MDGA2: variants seen among roughly 807,000 people sequenced by gnomAD.
MDGA2 encodes MAM domain-containing glycosylphosphatidylinositol anchor protein 2.
A neutral mutation model predicts 117.8 loss-of-function variants in MDGA2; 40 were observed. The observed-to-expected ratio is 0.34, with a 90% CI of 0.26 to 0.44. The LOEUF is 0.44. Among genes scored for constraint, MDGA2 ranks in the 20% least tolerant of loss-of-function variants. MDGA2 has a pLI of 1.00. For missense variants in MDGA2, 1,123 were observed against 1,250.6 expected (o/e 0.90, Z 1.54); for synonymous variants, 452 against 439.0 (o/e 1.03, Z -0.37).
chr14:47,193,383 A>C (rs1045031855), intron 3 of MDGA2, among the ~76,000 whole-genome samples: 1 of 152,196 alleles, frequency 6.6e-6, no homozygotes, highest in Non-Finnish European at 1.5e-5. Context: ...TCTCATAGAT[A>C]GAGTAGATTA....
intron 9 of MDGA2, among the ~76,000 whole-genome samples, chr14:46,937,064 T>A (rs2138568518): frequency 6.6e-6 from 1 of 151,962 alleles, no homozygotes; most frequent in East Asian, 1.9e-4. Flanking sequence ...CCAAAAAAAC[T>A]CTTAGAACTG....
At position 47,497,261 on chromosome 14, in the gene MDGA2, A is replaced by G. The variant is rs1170826508; in HGVS notation, c.280+177256T>C. 3.3e-5 allele frequency among the ~76,000 whole-genome samples: 5 copies of G among 152,220 alleles called. No individual in the cohort carries two copies. In the South Asian group the frequency reaches 6.2e-4, roughly 19 times the overall value. ...ACTACTGTTAAGATTTTCAATGTTG[A>G]GTCTTTTTCATTTTTGAGACAGATT... is the stretch of plus-strand genomic sequence containing the variant. On this transcript the variant is annotated intron_variant, in intron 1 of 16. Transcript: ENST00000399232.
At chr14:46,964,941 T>TTTTTTTTTTTTA (rs1292627964) in intron 8 of MDGA2, among the ~76,000 whole-genome samples, 1 of 112,058 alleles carries the variant, frequency 8.9e-6, no homozygotes, top group African/African-American at 5.4e-5. Context: ...TTTTTTTTTT[T>TTTTTTTTTTTTA]GAGACAGAGT....
chr14:47,623,994 T>C (rs1474020462), intron 1 of MDGA2, among the ~76,000 whole-genome samples: 4 of 152,224 alleles, frequency 2.6e-5, no homozygotes, highest in African/African-American at 9.6e-5. Flanking sequence ...CTACATTGTA[T>C]GCTCAGGAGG....
intron 10 of MDGA2, among the ~76,000 whole-genome samples, chr14:46,890,484 T>C (rs1222374252): frequency 2.0e-5 from 3 of 152,178 alleles, no homozygotes; most frequent in East Asian, 3.8e-4. Flanking sequence ...ATAGTATTTC[T>C]TATTTATATT....
intron 10 of MDGA2, among the ~76,000 whole-genome samples, chr14:46,907,158 G>A (rs1440153373): frequency 6.6e-6 from 1 of 151,716 alleles, no homozygotes; most frequent in Non-Finnish European, 1.5e-5. Flanking sequence ...TGTATTTTTA[G>A]TAGAGACTGG....
At chr14:47,348,292 A>G (rs1449643961) in intron 1 of MDGA2, among the ~76,000 whole-genome samples, 1 of 150,984 alleles carries the variant, frequency 6.6e-6, no homozygotes, top group Non-Finnish European at 1.5e-5. Flanking sequence ...TCTCACTGCA[A>G]CCCCTGCCTC....
chr14:47,361,207 C>CTATATATA lies in MDGA2; in HGVS notation c.281-59665_281-59658dup, dbSNP rs1226702812. Among the ~76,000 whole-genome samples the CTATATATA allele has an allele frequency of 3.2e-3, 444 of 140,516 alleles. 2 individuals carry two copies. Among genetic ancestry groups the CTATATATA allele is most frequent in the African/African-American group, 5.7e-3 (208 of 36,798 alleles). 92.2% of individuals were successfully genotyped at this position (140,516 alleles called of 152,430 possible). ...TTGTACTCTCTCTCTCTCTCTCTCT[C>CTATATATA]TATATATATATATATATATATGGCA... On this transcript the variant is annotated intron_variant, in intron 1 of 16. Coordinates refer to ENST00000399232, the MANE Select transcript of MDGA2 (RefSeq NM_001113498.3).
chr14:47,155,935 A>G (rs1883366742), intron 3 of MDGA2, among the ~76,000 whole-genome samples: 1 of 57,836 alleles, frequency 1.7e-5, no homozygotes, highest in Non-Finnish European at 3.4e-5. Context: ...TTTTTTTGAG[A>G]CAGAGTCTCT....
intron 5 of MDGA2, among the ~76,000 whole-genome samples, chr14:47,110,599 C>G (rs538922533): frequency 2.0e-5 from 3 of 152,128 alleles, no homozygotes; most frequent in Non-Finnish European, 4.4e-5. Flanking sequence ...CTTTATGACT[C>G]TGTAACTTTA....
chr14:46,904,060 C>A (rs941598955), intron 10 of MDGA2, among the ~76,000 whole-genome samples: 2 of 151,990 alleles, frequency 1.3e-5, no homozygotes, highest in Non-Finnish European at 1.5e-5. Context: ...GAAAGGAAGA[C>A]ATATAAAAAT....
At chr14:47,578,238 C>T (rs892880669) in intron 1 of MDGA2, among the ~76,000 whole-genome samples, 6 of 151,824 alleles carry the variant, frequency 4.0e-5, no homozygotes, top group Non-Finnish European at 7.4e-5. Context: ...GAACAACACA[C>T]ATCAGAGCCA....
At position 47,081,997 on chromosome 14, in the gene MDGA2, T is replaced by C. The variant is rs928315710; in HGVS notation, c.1195+14857A>G. On this transcript the variant is annotated intron_variant, in intron 6 of 16. Coordinates refer to ENST00000399232, the MANE Select transcript of MDGA2 (RefSeq NM_001113498.3). ...GCAAAAGCTCCTTTAACTATAGATG[T>C]TTAAGGGAGTATCAAATTTATGCTG... 4.6e-5 allele frequency among the ~76,000 whole-genome samples: 7 copies of C among 152,214 alleles called. No homozygotes were observed. In the South Asian group the frequency reaches 6.2e-4, roughly 14 times the overall value.
intron 1 of MDGA2, among the ~76,000 whole-genome samples, chr14:47,465,180 T>C (rs992480034): frequency 6.6e-6 from 1 of 151,956 alleles, no homozygotes; most frequent in Non-Finnish European, 1.5e-5. Flanking sequence ...GAAAATTAAA[T>C]AAAGAGGGAT....
At chr14:46,932,853 G>A (rs1028141313) in intron 9 of MDGA2, among the ~76,000 whole-genome samples, 5 of 151,138 alleles carry the variant, frequency 3.3e-5, no homozygotes, top group East Asian at 1.9e-4. Flanking sequence ...CAAATGACAC[G>A]ATTATCAGCA....
At chr14:47,537,347 C>T (rs928564911) in intron 1 of MDGA2, among the ~76,000 whole-genome samples, 3 of 149,522 alleles carry the variant, frequency 2.0e-5, no homozygotes, top group Non-Finnish European at 4.5e-5. Flanking sequence ...AGGAGATATA[C>T]CTAATGTAAA....
chr14:47,186,877 C>A (rs957293134), intron 3 of MDGA2, among the ~76,000 whole-genome samples: 5 of 151,868 alleles, frequency 3.3e-5, no homozygotes, highest in Admixed American at 6.6e-5. Context: ...ATCATTATTA[C>A]CACCCTCTTT....
At chr14:47,532,952 C>G (rs554716234) in intron 1 of MDGA2, among the ~76,000 whole-genome samples, 5 of 152,322 alleles carry the variant, frequency 3.3e-5, no homozygotes, top group Admixed American at 2.6e-4. Context: ...AAACATCATG[C>G]CTTCCCTTAT....
chr14:47,262,835 T>G (rs1958099), intron 2 of MDGA2, among the ~76,000 whole-genome samples: 27,174 of 152,148 alleles, frequency 0.18, 3,149 homozygotes, highest in Admixed American at 0.36. Context: ...CTATCTCTCT[T>G]TATGAAAATT....
Sources: gnomAD v4.1 joint callset for allele counts (sites outside exome capture counted in the v4.1 genomes callset) on GRCh38, gnomAD v4.1.1 for gene constraint, MANE v1.5 for transcripts, NCBI Gene and HGNC (gene_info 2026-07-23, HGNC 2026-07-21) for gene names.